Variants in DNAJC6 observed in about 807,000 individuals in gnomAD.
DNAJC6 encodes the protein DnaJ heat shock protein family (Hsp40) member C6.
A neutral mutation model predicts 110.0 loss-of-function variants in DNAJC6; 34 were observed. The ratio of observed to expected loss-of-function variants is 0.31; its 90% CI spans 0.24 to 0.41. DNAJC6 has a LOEUF of 0.41. Among genes scored for constraint, DNAJC6 ranks in the 10% least tolerant of loss-of-function variants. The pLI, the probability that DNAJC6 is intolerant of heterozygous loss-of-function variation, is 1.00. For synonymous variants in DNAJC6, 406 were observed against 437.2 expected (o/e 0.93, Z 0.89); for missense variants, 1,031 against 1,207.8 (o/e 0.85, Z 2.17).
intron 4 of DNAJC6, among the ~76,000 whole-genome samples, chr1:65,371,484 G>A (rs1645705317): frequency 6.6e-6 from 1 of 152,024 alleles, no homozygotes; most frequent in South Asian, 2.1e-4. Context: ...GATTAACATT[G>A]GTAATAATAA....
At chr1:65,343,727 A>C (rs985137162) in intron 1 of DNAJC6, among the ~76,000 whole-genome samples, 21 of 151,970 alleles carry the variant, frequency 1.4e-4, no homozygotes, top group African/African-American at 4.8e-4. Context: ...GAAAAGGCAA[A>C]AGTTCCTGAC....
intron 4 of DNAJC6, among the ~76,000 whole-genome samples, chr1:65,376,219 T>C (rs1557549515): frequency 6.6e-6 from 1 of 152,176 alleles, no homozygotes; most frequent in Non-Finnish European, 1.5e-5. Flanking sequence ...TTTGTATTTC[T>C]GAGGTCTCAG....
chr1:65,411,172 G>A, intron 17 of DNAJC6, 78 bp from the exon 18 acceptor site: 1 of 1,442,722 alleles, frequency 6.9e-7, no homozygotes, highest in Non-Finnish European at 9.4e-7. Context: ...GAGCAGAAGG[G>A]GTTTCTAGAG....
intron 11 of DNAJC6, among the ~76,000 whole-genome samples, chr1:65,391,986 C>G (rs1404939581): frequency 6.6e-6 from 1 of 152,118 alleles, no homozygotes; most frequent in Non-Finnish European, 1.5e-5. Context: ...ACCATGTTGG[C>G]CAAGCTGGTT....
intron 1 of DNAJC6, among the ~76,000 whole-genome samples, chr1:65,327,914 C>T (rs1645254890): frequency 6.6e-6 from 1 of 152,056 alleles, no homozygotes; most frequent in Non-Finnish European, 1.5e-5. Context: ...GGTGTCTCAC[C>T]ATGTTGCCCA....
At chr1:65,398,683 G>A (rs1646002138) in intron 13 of DNAJC6, 130 bp from the exon 14 acceptor site, 2 of 799,338 alleles carry the variant, frequency 2.5e-6, no homozygotes, top group East Asian at 5.3e-5. Flanking sequence ...TCAGAAGGAG[G>A]AGTGGATATC....
intron 1 of DNAJC6, among the ~76,000 whole-genome samples, chr1:65,276,366 A>G (rs1229104895): frequency 1.3e-5 from 2 of 152,016 alleles, no homozygotes; most frequent in African/African-American, 4.8e-5. Flanking sequence ...ATTTTTTATT[A>G]TATGTCCAGT....
intron 1 of DNAJC6, among the ~76,000 whole-genome samples, chr1:65,342,979 G>A (rs561647535): frequency 6.6e-6 from 1 of 152,254 alleles, no homozygotes; most frequent in East Asian, 1.9e-4. Flanking sequence ...TTCAACAAAA[G>A]CATCCCCTCA....
rs540676605 is a variant in DNAJC6, at chr1:65,319,462, G to A, written c.193+9524G>A. On this transcript the variant is annotated intron_variant, in intron 1 of 18. Transcript: ENST00000371069. ...TGGGCTGAGTCCAGGCCTAAGGCCC[G>A]AGGCCAGTACGGTGTCTGTATCGGG... is the stretch of plus-strand genomic sequence containing the variant. Among the ~76,000 whole-genome samples, 18 of 152,270 alleles carry A rather than the reference G, an allele frequency of 1.2e-4. No individual in the cohort carries two copies. In the East Asian group the frequency reaches 1.7e-3, roughly 15 times the overall value.
intron 1 of DNAJC6, among the ~76,000 whole-genome samples, chr1:65,301,223 G>A (rs1208222168): frequency 1.3e-5 from 2 of 152,146 alleles, no homozygotes; most frequent in African/African-American, 4.8e-5. Context: ...TGGTAATGTA[G>A]GTGTATCTGT....
At chr1:65,380,930 T>C (rs1201363239) in intron 5 of DNAJC6, among the ~76,000 whole-genome samples, 1 of 139,918 alleles carries the variant, frequency 7.1e-6, no homozygotes, top group Non-Finnish European at 1.5e-5. Context: ...TGTTTTTTTT[T>C]TTTTTTTGGG....
intron 1 of DNAJC6, among the ~76,000 whole-genome samples, chr1:65,316,010 A>T (rs1645145621): frequency 6.6e-6 from 1 of 152,250 alleles, no homozygotes; most frequent in Admixed American, 6.5e-5. Flanking sequence ...TGAAAACAGC[A>T]AAAACAGCAT....
intron 1 of DNAJC6, among the ~76,000 whole-genome samples, chr1:65,286,516 G>C (rs1030087707): frequency 6.6e-6 from 1 of 152,098 alleles, no homozygotes; most frequent in African/African-American, 2.4e-5. Flanking sequence ...TAAAGTGTTG[G>C]AACTACAGGT....
At chr1:65,348,218 C>A (rs2101508564) in intron 1 of DNAJC6, among the ~76,000 whole-genome samples, 1 of 152,244 alleles carries the variant, frequency 6.6e-6, no homozygotes, top group African/African-American at 2.4e-5. Context: ...CATTTTTTAA[C>A]CTTTTGAAAT....
intron 1 of DNAJC6, among the ~76,000 whole-genome samples, chr1:65,289,338 G>T (rs778899059): frequency 4.6e-5 from 7 of 152,146 alleles, no homozygotes; most frequent in Non-Finnish European, 2.9e-5. Context: ...TGGGACTACA[G>T]GCGCGTGCCA....
chr1:65,346,652 T>A (rs1304862104), intron 1 of DNAJC6, among the ~76,000 whole-genome samples: 1 of 152,134 alleles, frequency 6.6e-6, no homozygotes, highest in Admixed American at 6.6e-5. Context: ...TAGGGGAGAC[T>A]GTAATACTCA....
At chr1:65,346,979 A>G (rs1240066333) in intron 1 of DNAJC6, among the ~76,000 whole-genome samples, 5 of 152,094 alleles carry the variant, frequency 3.3e-5, no homozygotes, top group African/African-American at 1.2e-4. Flanking sequence ...CAGAATGCTT[A>G]TCTACTTTAT....
intron 1 of DNAJC6, among the ~76,000 whole-genome samples, chr1:65,291,283 T>C (rs1053520166): frequency 6.6e-6 from 1 of 152,226 alleles, no homozygotes; most frequent in Non-Finnish European, 1.5e-5. Context: ...TCCACCCACC[T>C]TGGCCTCCCA....
chr1:65,318,374 T>C (rs1190392737), intron 1 of DNAJC6, among the ~76,000 whole-genome samples: 2 of 152,140 alleles, frequency 1.3e-5, no homozygotes, highest in African/African-American at 2.4e-5. Flanking sequence ...ACAAAAGTCA[T>C]ACTGCAGCCC....
Sources: allele counts gnomAD v4.1 joint callset (sites outside exome capture counted in the v4.1 genomes callset), GRCh38; gene constraint gnomAD v4.1.1; transcripts MANE v1.5; gene names NCBI Gene and HGNC (gene_info 2026-07-23, HGNC 2026-07-21).